The following PDE6D variants were observed in gnomAD, a reference collection of about 807,000 sequenced individuals.
PDE6D encodes retinal rod rhodopsin-sensitive cGMP 3',5'-cyclic phosphodiesterase subunit delta.
In PDE6D, 10 loss-of-function variants were observed where a neutral mutation model predicts 21.9. The ratio of observed to expected loss-of-function variants is 0.46; its 90% CI spans 0.28 to 0.78. PDE6D has a LOEUF of 0.78. Among genes scored for constraint, PDE6D ranks in the 30% least tolerant of loss-of-function variants. The pLI, the probability that PDE6D is intolerant of heterozygous loss-of-function variation, is 0.12. For synonymous variants in PDE6D, 59 were observed against 63.5 expected, an observed-to-expected ratio of 0.93 and a Z score of 0.34; for missense variants, 139 against 184.8, an observed-to-expected ratio of 0.75 and a Z score of 1.44.
chr2:231,740,567 G>C (rs2106262993), intron 1 of PDE6D, among the ~76,000 whole-genome samples: 1 of 151,430 alleles, frequency 6.6e-6, no homozygotes, highest in South Asian at 2.1e-4. Flanking sequence ...TGTGGTCCCA[G>C]CTACTCTGGA....
In PDE6D at chr2:231,732,927, C is replaced by A. The variant is rs897600767; in HGVS notation, c.*25G>T. 10 of 1,526,282 alleles carry A rather than the reference C, an allele frequency of 6.6e-6. No homozygotes were observed. The highest frequency in any genetic ancestry group is 9.0e-6 in the Non-Finnish European group (10 of 1,108,606). The allele number at this position is 1,526,282 out of a possible 1,614,324, so 94.5% of individuals were successfully genotyped here. Reference sequence around the variant, plus strand: ...CTCCTCCCTCCAAAAAACCCAAATTCTTGAAATGTACACACATTCTTCTTT... The same window carrying A: ...CTCCTCCCTCCAAAAAACCCAAATTATTGAAATGTACACACATTCTTCTTT... On this transcript the variant is annotated 3_prime_UTR_variant, in exon 5 of 5. Transcript: ENST00000287600.
At chr2:231,759,905 A>G (rs2048912752) in intron 1 of PDE6D, among the ~76,000 whole-genome samples, 1 of 152,206 alleles carries the variant, frequency 6.6e-6, no homozygotes, top group East Asian at 1.9e-4. Context: ...CATAGCCCCC[A>G]AAACAGGGAA....
At chr2:231,753,492 A>C (rs2048859232) in intron 1 of PDE6D, among the ~76,000 whole-genome samples, 1 of 152,142 alleles carries the variant, frequency 6.6e-6, no homozygotes, top group African/African-American at 2.4e-5. Flanking sequence ...CGGAGCTTGC[A>C]GTGAGCCGAG....
At chr2:231,759,294 C>T (rs1284517975) in intron 1 of PDE6D, among the ~76,000 whole-genome samples, 5 of 151,622 alleles carry the variant, frequency 3.3e-5, no homozygotes, top group Non-Finnish European at 5.9e-5. Context: ...CCAGCCTGGG[C>T]GACAAAGTGA....
intron 1 of PDE6D, among the ~76,000 whole-genome samples, chr2:231,763,470 C>T (rs2048947598): frequency 6.6e-6 from 1 of 152,124 alleles, no homozygotes; most frequent in African/African-American, 2.4e-5. Flanking sequence ...AGCTGTACCA[C>T]TCAGAATGTG....
chr2:231,767,521 T>C (rs945191209), intron 1 of PDE6D, among the ~76,000 whole-genome samples: 13 of 152,088 alleles, frequency 8.5e-5, no homozygotes, highest in Admixed American at 3.3e-4. Context: ...TTCACCGAGT[T>C]AGCCAGGATG....
chr2:231,748,492 G>A (rs2048811829), intron 1 of PDE6D, among the ~76,000 whole-genome samples: 1 of 152,172 alleles, frequency 6.6e-6, no homozygotes, highest in Non-Finnish European at 1.5e-5. Context: ...GGAAAGCAGA[G>A]CATAAAAGTT....
chr2:231,750,660 A>ATTTT (rs561604556), intron 1 of PDE6D, among the ~76,000 whole-genome samples: 3,644 of 91,998 alleles, frequency 0.04, 222 homozygotes, highest in African/African-American at 0.071. Flanking sequence ...TGCTCATCTA[A>ATTTT]TTTTTTTTTT....
intron 1 of PDE6D, 104 bp downstream of exon 1, chr2:231,780,961 C>A: frequency 9.4e-7 from 1 of 1,063,680 alleles, no homozygotes. Flanking sequence ...CGCGGCCCTT[C>A]TTCTGTGGGG....
At chr2:231,742,942 G>A (rs1437853351) in intron 1 of PDE6D, among the ~76,000 whole-genome samples, 1 of 152,178 alleles carries the variant, frequency 6.6e-6, no homozygotes, top group Non-Finnish European at 1.5e-5. Flanking sequence ...CTTTCCTACT[G>A]TGTGGTCTTT....
chr2:231,778,961 TGAAA>T (rs2049078818), intron 1 of PDE6D: 1 of 152,214 alleles, frequency 6.6e-6, no homozygotes, highest in Admixed American at 6.5e-5. Flanking sequence ...ACAGATACTC[TGAAA>T]GAAAGTTCAG....
At chr2:231,734,383 G>T (rs1210208780) in intron 4 of PDE6D, among the ~76,000 whole-genome samples, 2 of 149,366 alleles carry the variant, frequency 1.3e-5, no homozygotes, top group African/African-American at 4.9e-5. Context: ...GAGCGAGACC[G>T]TCTCAAAAAA....
chr2:231,748,357 G>A (rs536925839), intron 1 of PDE6D, among the ~76,000 whole-genome samples: 2 of 152,250 alleles, frequency 1.3e-5, no homozygotes, highest in East Asian at 1.9e-4. Context: ...CATTTTGCCC[G>A]TGCCCTAGAG....
chr2:231,769,442 T>C (rs2048997844), intron 1 of PDE6D, among the ~76,000 whole-genome samples: 1 of 152,166 alleles, frequency 6.6e-6, no homozygotes, highest in South Asian at 2.1e-4. Context: ...AAAACCATAC[T>C]TTTCACACAG....
At chr2:231,767,542 C>T (rs906318747) in intron 1 of PDE6D, among the ~76,000 whole-genome samples, 2 of 152,190 alleles carry the variant, frequency 1.3e-5, no homozygotes, top group South Asian at 4.1e-4. Flanking sequence ...GTCTCAATCT[C>T]CTGACCTTGT....
In PDE6D at chr2:231,739,723, C is replaced by T. The variant is rs891574587; in HGVS notation, c.51-535G>A. On this transcript the variant is annotated intron_variant, in intron 1 of 4. Coordinates refer to ENST00000287600, the MANE Select transcript of PDE6D (RefSeq NM_002601.4). This position sits in a 1 kb window ranked among gnomAD's most constrained non-coding sequence, Gnocchi z 4.2. Reference sequence around the variant, plus strand: ...CTCGGCTCACTACAACCTTCATCTCCTTGGTTCAAGCAATTCTTGTGCCTC... The same window carrying T: ...CTCGGCTCACTACAACCTTCATCTCTTTGGTTCAAGCAATTCTTGTGCCTC... Among the ~76,000 whole-genome samples the T allele has an allele frequency of 7.9e-5, 12 of 152,000 alleles. No homozygotes were observed. The highest frequency in any genetic ancestry group is 1.5e-4 in the Non-Finnish European group (10 of 67,990).
At chr2:231,746,654 C>T (rs1046566516) in intron 1 of PDE6D, among the ~76,000 whole-genome samples, 14 of 152,020 alleles carry the variant, frequency 9.2e-5, no homozygotes, top group Non-Finnish European at 1.5e-4. Flanking sequence ...ACTACATGCC[C>T]GTACCTCACC....
intron 1 of PDE6D, among the ~76,000 whole-genome samples, chr2:231,743,105 G>A (rs1235141903): frequency 4.6e-5 from 7 of 152,056 alleles, no homozygotes; most frequent in Non-Finnish European, 1.0e-4. Flanking sequence ...CCTCTGGAGA[G>A]ATTCTGTCTA....
At chr2:231,780,639 T>C (rs1055141678) in intron 1 of PDE6D, among the ~76,000 whole-genome samples, 4 of 151,814 alleles carry the variant, frequency 2.6e-5, no homozygotes, top group Non-Finnish European at 4.4e-5. Context: ...GCTCCCCGGG[T>C]AGGCTTATAG....
Sources: allele counts gnomAD v4.1 joint callset (sites outside exome capture counted in the v4.1 genomes callset), GRCh38; gene constraint gnomAD v4.1.1; non-coding constraint Gnocchi (gnomAD v3.1); transcripts MANE v1.5; gene names NCBI Gene and HGNC (gene_info 2026-07-23, HGNC 2026-07-21).